The following KASH5 variants were observed in gnomAD, a reference collection of about 807,000 sequenced individuals.
KASH5 encodes protein KASH5.
In KASH5, 72 loss-of-function variants were observed where a neutral mutation model predicts 84.2. The observed-to-expected ratio is 0.85, with a 90% CI of 0.71 to 1.04. The LOEUF (loss-of-function observed/expected upper bound fraction) is 1.04, where lower values mean the gene tolerates loss of function less well. KASH5 is among the 50% of genes least tolerant of loss of function. The pLI is 0.00. For synonymous variants in KASH5, 260 were observed against 279.1 expected (o/e 0.93, Z 0.68); for missense variants, 650 against 701.0 (o/e 0.93, Z 0.82).
Position 49,412,886 on chromosome 19 carries a change from GC to G in KASH5, c.1270-81del. The G allele has an allele frequency of 1.4e-6, 2 of 1,396,164 alleles. No individual in the cohort carries two copies. Among genetic ancestry groups the G allele is most frequent in the Non-Finnish European group, 2.0e-6 (2 of 1,003,918 alleles). 86.5% of individuals were successfully genotyped at this position (1,396,164 alleles called of 1,614,324 possible). A position where few individuals can be genotyped will look rare whatever the true frequency, so the allele number is the denominator to read the frequency against. ...CTTTTGTATATGGGGTCTGGGACCG[GC>G]GGGGGAGACAGTGGGCACTGTTAGG... On this transcript the variant is annotated intron_variant, in intron 15 of 19. Transcript: ENST00000447857. This position sits in a 1 kb window ranked among gnomAD's most constrained non-coding sequence, Gnocchi z 4.6.
chr19:49,399,665 G>A lies in KASH5; in HGVS notation c.798+158G>A. The A allele has an allele frequency of 6.7e-7, 1 of 1,488,384 alleles. No homozygotes were observed. Among genetic ancestry groups the A allele is most frequent in the Non-Finnish European group, 9.0e-7 (1 of 1,116,190 alleles). The allele number at this position is 1,488,384 out of a possible 1,614,324, so 92.2% of individuals were successfully genotyped here. On this transcript the variant is annotated intron_variant, in intron 9 of 19. Coordinates refer to ENST00000447857, the MANE Select transcript of KASH5 (RefSeq NM_144688.5). The surrounding 1 kb of genome is among the most constrained non-coding windows in gnomAD (Gnocchi z 4.4). ...TCCCTGAGGTTATATCACACTGTGAGAACAGCCGTGGTTTACAAGAGTGTG... is the reference window on the plus strand; with the variant it reads ...TCCCTGAGGTTATATCACACTGTGAAAACAGCCGTGGTTTACAAGAGTGTG...
At position 49,399,742 on chromosome 19, in the gene KASH5, TG is replaced by T. The variant is rs1974301934; in HGVS notation, c.798+237del. On this transcript the variant is annotated intron_variant, in intron 9 of 19. Transcript: ENST00000447857. The surrounding 1 kb of genome is among the most constrained non-coding windows in gnomAD (Gnocchi z 4.4). ...CAGGCTGAGGCCACCTACATAAGAG[TG>T]GACCAGTGCCTCCCTTCTCTGTGCC... 1 of 1,223,718 alleles carries T rather than the reference TG, an allele frequency of 8.2e-7. No homozygotes were observed. The highest frequency in any genetic ancestry group is 1.5e-5 in the African/African-American group (1 of 65,638). The allele number at this position is 1,223,718 out of a possible 1,614,324, so 75.8% of individuals were successfully genotyped here.
At chr19:49,405,179 C>T (rs1006992592) in intron 9 of KASH5, among the ~76,000 whole-genome samples, 3 of 151,882 alleles carry the variant, frequency 2.0e-5, no homozygotes, top group South Asian at 2.1e-4. Context: ...AGCACAGGCC[C>T]GGTGCAGTGG....
In KASH5 at chr19:49,409,219, G is replaced by A. The variant is rs776732267; in HGVS notation, c.1082G>A (p.Arg361Lys). The A allele has an allele frequency of 1.2e-6, 2 of 1,613,948 alleles. No homozygotes were observed. The highest frequency in any genetic ancestry group is 3.3e-5 in the Admixed American group (2 of 60,028). The change falls in exon 14 of 20, where the codon AGA (arginine) becomes AAA (lysine). Residue 361 changes from arginine (R) to lysine (K), a missense_variant. Physicochemically the swap from Arg to Lys is conservative, Grantham distance 26 (BLOSUM62 2). Transcript: ENST00000447857. Reference sequence around the variant, plus strand: ...AGGCTACCTGAAGGGGCCCAGCTGAGAAGAGTGGGCTGGACCGAGCTGCTA... The same window carrying A: ...AGGCTACCTGAAGGGGCCCAGCTGAAAAGAGTGGGCTGGACCGAGCTGCTA... Reference protein sequence around the residue: ...PDELPEGAQLRRVGWTELLPP... With the variant: ...PDELPEGAQLKRVGWTELLPP...
chr19:49,407,841 C>T (rs1457424506), intron 12 of KASH5, among the ~76,000 whole-genome samples, 170 bp downstream of exon 12: 1 of 152,198 alleles, frequency 6.6e-6, no homozygotes, highest in African/African-American at 2.4e-5. Context: ...GTTTCTGTAT[C>T]TGCCTTTTCA....
intron 9 of KASH5, among the ~76,000 whole-genome samples, chr19:49,405,456 CAAAAAAAA>C (rs58604196): frequency 1.5e-4 from 14 of 90,412 alleles, no homozygotes; most frequent in Admixed American, 1.2e-4. Context: ...AAACTCCTCT[CAAAAAAAA>C]AAAAAAAAAA....
chr19:49,399,676 G>A lies in KASH5; in HGVS notation c.798+169G>A. 6.8e-7 allele frequency: 1 copy of A among 1,475,242 alleles called. No individual in the cohort carries two copies. The highest frequency in any genetic ancestry group is 1.4e-5 in the South Asian group (1 of 73,890). The allele number at this position is 1,475,242 out of a possible 1,614,324, so 91.4% of individuals were successfully genotyped here. A position where few individuals can be genotyped will look rare whatever the true frequency, so the allele number is the denominator to read the frequency against. ...ATATCACACTGTGAGAACAGCCGTG[G>A]TTTACAAGAGTGTGAGGCATGGGGT... On this transcript the variant is annotated intron_variant, in intron 9 of 19. Transcript: ENST00000447857. The surrounding 1 kb of genome is among the most constrained non-coding windows in gnomAD (Gnocchi z 4.4).
At chr19:49,391,259 G>A (rs1298745482) in intron 2 of KASH5, among the ~76,000 whole-genome samples, 1 of 152,038 alleles carries the variant, frequency 6.6e-6, no homozygotes, top group East Asian at 1.9e-4. Flanking sequence ...CCCCTGCCCC[G>A]CTTCATTTCT....
chr19:49,413,122 C>A, intron 16 of KASH5, 96 bp downstream of exon 16: 2 of 1,190,734 alleles, frequency 1.7e-6, no homozygotes, highest in Non-Finnish European at 1.2e-6. Context: ...GATCGGCATT[C>A]ATTCATTCAC....
At chr19:49,394,369 A>C (rs1974104264) in intron 2 of KASH5, 107 bp from the exon 3 acceptor site, 1 of 797,544 alleles carries the variant, frequency 1.3e-6, no homozygotes, top group African/African-American at 1.7e-5. Flanking sequence ...CAGTGCTCTG[A>C]GTGAATTCCC....
At position 49,398,115 on chromosome 19, in the gene KASH5, A is replaced by C; in HGVS notation, c.601A>C (p.Ile201Leu). 1.9e-6 allele frequency: 3 copies of C among 1,597,718 alleles called. No individual in the cohort carries two copies. The highest frequency in any genetic ancestry group is 2.6e-6 in the Non-Finnish European group (3 of 1,167,516). The change falls in exon 7 of 20, where the codon ATC (isoleucine) becomes CTC (leucine). Residue 201 changes from isoleucine to leucine, a missense_variant. Coordinates refer to ENST00000447857, the MANE Select transcript of KASH5 (RefSeq NM_144688.5). ...GGGGTCAGCACGCCTTGGGGAGGAG[A>C]TCTTGGCTCTGCGTAAGCAGCTTCA... is the stretch of plus-strand genomic sequence containing the variant. ...EEGSARLGEE[I>L]LALRKQLHST...
At chr19:49,389,512 C>T (rs1001260146) in intron 1 of KASH5, 6 of 152,538 alleles carry the variant, frequency 3.9e-5, no homozygotes, top group African/African-American at 1.4e-4. Flanking sequence ...GAACCCACTC[C>T]GTGCGCCAGG....
In KASH5 at chr19:49,406,908, G is replaced by A. The variant is rs773234684; in HGVS notation, c.821G>A (p.Arg274Gln). The A allele has an allele frequency of 1.1e-5, 18 of 1,606,258 alleles. No individual in the cohort carries two copies. Among genetic ancestry groups the A allele is most frequent in the East Asian group, 4.5e-5 (2 of 44,654 alleles). ...TAGAACGGGAAGCTGCTTGCCGAGC[G>A]GGATGGAGTGAAAAAGAGAAGTCAG... is the stretch of plus-strand genomic sequence containing the variant. ...QEENGKLLAE[R>Q]DGVKKRSQEL... The change falls in exon 10 of 20, where the codon CGG (arginine) becomes CAG (glutamine). Residue 274 changes from arginine to glutamine, a missense_variant. Arg to Gln is a conservative substitution (Grantham distance 43). Coordinates refer to ENST00000447857, the MANE Select transcript of KASH5 (RefSeq NM_144688.5).
Position 49,395,683 on chromosome 19 carries a change from C to G in KASH5, c.336-86C>G. ...AGCTCTCACCTGACCCGGTCCCCTCCTCCCACCTGCAATCCCCCTGCCTGT... is the reference window on the plus strand; with the variant it reads ...AGCTCTCACCTGACCCGGTCCCCTCGTCCCACCTGCAATCCCCCTGCCTGT... On this transcript the variant is annotated intron_variant, in intron 4 of 19. Coordinates refer to ENST00000447857, the MANE Select transcript of KASH5 (RefSeq NM_144688.5). The surrounding 1 kb of genome is among the most constrained non-coding windows in gnomAD (Gnocchi z 4.4). 1 of 1,387,082 alleles carries G rather than the reference C, an allele frequency of 7.2e-7. No individual in the cohort carries two copies. Among genetic ancestry groups the G allele is most frequent in the Non-Finnish European group, 1.0e-6 (1 of 1,002,194 alleles). The allele number at this position is 1,387,082 out of a possible 1,614,324, so 85.9% of individuals were successfully genotyped here.
At position 49,413,012 on chromosome 19, in the gene KASH5, G is replaced by C. The variant is rs776308233; in HGVS notation, c.1314G>C (p.Lys438Asn). The change falls in exon 16 of 20, where the codon AAG becomes AAC. Residue 438 changes from lysine to asparagine, a missense_variant. Coordinates refer to ENST00000447857, the MANE Select transcript of KASH5 (RefSeq NM_144688.5). ...CAGCGCACCCTGAAGAAGGAAGGAA[G>C]GAGCCATCCATGTGGTAAGGAGCTG... Reference protein sequence around the residue: ...GEPAHPEEGRKEPSMWLTRRE... With the variant: ...GEPAHPEEGRNEPSMWLTRRE... 6.2e-7 allele frequency: 1 copy of C among 1,613,060 alleles called. No individual in the cohort carries two copies. The highest frequency in any genetic ancestry group is 8.5e-7 in the Non-Finnish European group (1 of 1,179,836).
At position 49,416,526 on chromosome 19, in the gene KASH5, C is replaced by T. The variant is rs146776174; in HGVS notation, c.1375-489C>T. Among the ~76,000 whole-genome samples the T allele has an allele frequency of 7.3e-3, 1,111 of 152,244 alleles. 19 individuals are homozygous for T. Among genetic ancestry groups the T allele is most frequent in the Middle Eastern group, 0.041 (12 of 294 alleles). On this transcript the variant is annotated intron_variant, in intron 17 of 19. Coordinates refer to ENST00000447857, the MANE Select transcript of KASH5 (RefSeq NM_144688.5). This position sits in a 1 kb window ranked among gnomAD's most constrained non-coding sequence, Gnocchi z 5.4. ...TGTTTTTAATTAGTAAAGCGCCTGC[C>T]GATTCTGGCATAGGCAGGAAGACAG...
At chr19:49,397,401 G>A (rs1382637278) in intron 5 of KASH5, among the ~76,000 whole-genome samples, 1 of 152,134 alleles carries the variant, frequency 6.6e-6, no homozygotes, top group African/African-American at 2.4e-5. Flanking sequence ...AGGGGAAGGT[G>A]AAGTGCTGCC....
In KASH5 at chr19:49,399,123, T is replaced by C; in HGVS notation, c.728T>C (p.Leu243Pro). The C allele has an allele frequency of 6.4e-7, 1 of 1,550,746 alleles. No homozygotes were observed. Among genetic ancestry groups the C allele is most frequent in the South Asian group, 1.2e-5 (1 of 83,928 alleles). ...CTGGAGGAACAGAATCGCAGCCTTC[T>C]GGCCCAAGCCCGGCAGGCGGTGGGT... is the stretch of plus-strand genomic sequence containing the variant. ...RSLEEQNRSLLAQARQAEKEQ... is the reference protein window; with the variant it reads ...RSLEEQNRSLPAQARQAEKEQ... Residue 243 changes from leucine to proline, a missense_variant, in exon 8 of 20, where the codon CTG (leucine) becomes CCG (proline). Coordinates refer to ENST00000447857, the MANE Select transcript of KASH5 (RefSeq NM_144688.5). The surrounding 1 kb of genome is among the most constrained non-coding windows in gnomAD (Gnocchi z 4.4).
intron 12 of KASH5, 123 bp from the exon 13 acceptor site, chr19:49,408,844 A>T: frequency 1.2e-6 from 1 of 860,478 alleles, no homozygotes; most frequent in Non-Finnish European, 1.8e-6. Context: ...CCTAGGCAGT[A>T]TGTGTCTGGG....
Sources: gnomAD v4.1 joint callset for allele counts (sites outside exome capture counted in the v4.1 genomes callset) on GRCh38, gnomAD v4.1.1 for gene constraint, Gnocchi (gnomAD v3.1) non-coding constraint, MANE v1.5 for transcripts, NCBI Gene and HGNC (gene_info 2026-07-23, HGNC 2026-07-21) for gene names.